Variants in DISC1 observed in about 807,000 individuals in gnomAD.
DISC1 encodes the protein disrupted in schizophrenia 1 protein.
In DISC1, 57 loss-of-function variants were observed where a neutral mutation model predicts 84.5. The observed-to-expected ratio is 0.67, with a 90% CI of 0.55 to 0.84. The LOEUF (loss-of-function observed/expected upper bound fraction) is 0.84, where lower values mean the gene tolerates loss of function less well. Ranked by LOEUF, DISC1 falls within the 40% of genes least tolerant of loss-of-function variation. The pLI, the probability that DISC1 is intolerant of heterozygous loss-of-function variation, is 0.00. For synonymous variants in DISC1, 411 were observed against 415.2 expected (o/e 0.99, Z 0.12); for missense variants, 1,000 against 1,057.8 (o/e 0.95, Z 0.76).
intron 9 of DISC1, among the ~76,000 whole-genome samples, chr1:231,856,171 T>A (rs990697696): frequency 6.6e-6 from 1 of 152,138 alleles, no homozygotes; most frequent in Non-Finnish European, 1.5e-5. Context: ...CTTTATGAGC[T>A]CTCGGTTGGA....
chr1:231,717,189 A>G (rs192323361), intron 3 of DISC1, among the ~76,000 whole-genome samples: 1 of 152,218 alleles, frequency 6.6e-6, no homozygotes, highest in African/African-American at 2.4e-5. Flanking sequence ...TGGCCCATTA[A>G]AAAAAAGTTC....
intron 1 of DISC1, among the ~76,000 whole-genome samples, chr1:231,661,085 G>A (rs1470322950): frequency 2.0e-5 from 3 of 152,064 alleles, no homozygotes; most frequent in Non-Finnish European, 4.4e-5. Flanking sequence ...ATCTCTTCTG[G>A]CTTGTAGGGT....
At chr1:231,678,567 AT>A (rs1385084877) in intron 1 of DISC1, among the ~76,000 whole-genome samples, 1 of 152,264 alleles carries the variant, frequency 6.6e-6, no homozygotes, top group Non-Finnish European at 1.5e-5. Flanking sequence ...GAAAACAGGC[AT>A]GGAGAAGTTA....
chr1:231,708,637 C>T (rs1364821307), intron 3 of DISC1, among the ~76,000 whole-genome samples: 5 of 152,142 alleles, frequency 3.3e-5, no homozygotes, highest in Non-Finnish European at 7.4e-5. Context: ...ATTGAGGTCA[C>T]GGAATCTGCT....
chr1:231,934,386 C>A (rs1486103050), intron 9 of DISC1, among the ~76,000 whole-genome samples: 2 of 152,180 alleles, frequency 1.3e-5, no homozygotes, highest in African/African-American at 4.8e-5. Context: ...GTATCCAGGG[C>A]GTGGAGGCCA....
chr1:231,942,796 T>C (rs1449782564), intron 9 of DISC1, among the ~76,000 whole-genome samples: 2 of 152,252 alleles, frequency 1.3e-5, no homozygotes, highest in Non-Finnish European at 2.9e-5. Context: ...CAGCCGCCCA[T>C]AGGTCCTTGT....
chr1:231,771,082 T>G lies in DISC1; in HGVS notation c.1634+12T>G. Reference sequence around the variant, plus strand: ...GAAACCATAAGGAGGTACTGCTGATTTCCTAACTGATTTTGGGTCGCTCGC... The same window carrying G: ...GAAACCATAAGGAGGTACTGCTGATGTCCTAACTGATTTTGGGTCGCTCGC... On this transcript the variant is annotated intron_variant, in intron 6 of 12. Transcript: ENST00000439617. 1.3e-6 allele frequency: 2 copies of G among 1,571,026 alleles called. No homozygotes were observed. Among genetic ancestry groups the G allele is most frequent in the Non-Finnish European group, 1.7e-6 (2 of 1,155,418 alleles).
At chr1:232,002,825 G>C (rs1220522361) in intron 10 of DISC1, among the ~76,000 whole-genome samples, 2 of 152,106 alleles carry the variant, frequency 1.3e-5, no homozygotes, top group African/African-American at 2.4e-5. Flanking sequence ...GAATTGTTCT[G>C]TATCTTGAAT....
chr1:231,958,279 C>A (rs111286304), intron 9 of DISC1, among the ~76,000 whole-genome samples: 109 of 152,338 alleles, frequency 7.2e-4, no homozygotes, highest in Non-Finnish European at 1.2e-3. Context: ...AATTAGGAAG[C>A]GCTGAGTTTA....
intron 10 of DISC1, among the ~76,000 whole-genome samples, chr1:231,972,259 T>C (rs1206051047): frequency 6.6e-6 from 1 of 152,236 alleles, no homozygotes; most frequent in African/African-American, 2.4e-5. Context: ...GGCATAAGTG[T>C]GCTCATTTGT....
Position 231,694,201 on chromosome 1 carries a change from C to T in DISC1, c.443C>T (p.Ala148Val). 1.2e-6 allele frequency: 2 copies of T among 1,614,160 alleles called. No individual in the cohort carries two copies. The highest frequency in any genetic ancestry group is 1.7e-6 in the Non-Finnish European group (2 of 1,180,020). Residue 148 changes from alanine to valine, a missense_variant, in exon 2 of 13, where the codon GCA becomes GTA. Ala to Val is a moderately conservative substitution (Grantham distance 64). This residue lies in a region of DISC1 where 292 missense variants were observed against 280.2 expected (regional missense o/e 1.04). Transcript: ENST00000439617. ...AGTGCTGGGTGGCAGCAAGAGTTTG[C>T]AGCCATGGATAGTTCTGAGACCCTG... ...PGSAGWQQEF[A>V]AMDSSETLDA...
At chr1:231,825,246 T>C (rs1220775398) in intron 9 of DISC1, among the ~76,000 whole-genome samples, 1 of 152,220 alleles carries the variant, frequency 6.6e-6, no homozygotes, top group Non-Finnish European at 1.5e-5. Flanking sequence ...TGGGTGGAAA[T>C]ACAATGATGT....
chr1:231,633,734 G>A (rs2058942108), intron 1 of DISC1, among the ~76,000 whole-genome samples: 1 of 152,172 alleles, frequency 6.6e-6, no homozygotes, highest in Admixed American at 6.5e-5. Flanking sequence ...TTGACAGGTG[G>A]CCTTGCATGG....
intron 9 of DISC1, among the ~76,000 whole-genome samples, chr1:231,870,281 A>G (rs2085363460): frequency 6.6e-6 from 1 of 152,218 alleles, no homozygotes; most frequent in African/African-American, 2.4e-5. Context: ...TGATAAGTGC[A>G]TGGAGCCCCA....
intron 9 of DISC1, among the ~76,000 whole-genome samples, chr1:231,881,895 A>G (rs757741385): frequency 2.0e-5 from 3 of 152,136 alleles, no homozygotes; most frequent in Non-Finnish European, 2.9e-5. Context: ...TAGCCCTTAC[A>G]ACAGCCTGCA....
chr1:231,773,411 GTC>G (rs1398475642), intron 6 of DISC1, among the ~76,000 whole-genome samples: 1 of 152,176 alleles, frequency 6.6e-6, no homozygotes, highest in Non-Finnish European at 1.5e-5. Flanking sequence ...TTGAGATAGA[GTC>G]TCTCTCTGTC....
rs940471982 is a variant in DISC1, at chr1:231,881,706, C to CT, written c.1981+63190dup. Among the ~76,000 whole-genome samples the CT allele has an allele frequency of 3.5e-4, 53 of 152,294 alleles. 1 individual carries two copies. Among genetic ancestry groups the CT allele is most frequent in the Non-Finnish European group, 6.0e-4 (41 of 68,024 alleles). ...TCACCATGCACTGGGGCAGGTGACTCTAACTAGTGCCCATTTCGTGTCTCA... is the reference window on the plus strand; with the variant it reads ...TCACCATGCACTGGGGCAGGTGACTCTTAACTAGTGCCCATTTCGTGTCTCA... On this transcript the variant is annotated intron_variant, in intron 9 of 12. Coordinates refer to ENST00000439617, the MANE Select transcript of DISC1 (RefSeq NM_018662.3).
intron 10 of DISC1, among the ~76,000 whole-genome samples, chr1:231,970,614 G>GCA (rs1661810607): frequency 6.6e-6 from 1 of 152,172 alleles, no homozygotes; most frequent in African/African-American, 2.4e-5. Flanking sequence ...ATCAAATGCG[G>GCA]TGGTGTTTTT....
chr1:231,797,246 A>G (rs2078833251), intron 7 of DISC1, among the ~76,000 whole-genome samples: 1 of 152,204 alleles, frequency 6.6e-6, no homozygotes. Flanking sequence ...ACACACATAT[A>G]CTGATACGCA....
Sources: gnomAD v4.1 joint callset for allele counts (sites outside exome capture counted in the v4.1 genomes callset) on GRCh38, gnomAD v4.1.1 for gene constraint, gnomAD v4.1.1 regional missense constraint, MANE v1.5 for transcripts, NCBI Gene and HGNC (gene_info 2026-07-23, HGNC 2026-07-21) for gene names.